The following YES1 variants were observed in gnomAD, a reference collection of about 807,000 sequenced individuals.
The protein encoded by YES1 is tyrosine-protein kinase Yes.
Under a neutral mutation model 70.4 loss-of-function variants are expected in YES1, and 39 were observed. The ratio of observed to expected loss-of-function variants is 0.55; its 90% CI spans 0.43 to 0.72. YES1 has a LOEUF of 0.72. Among genes scored for constraint, YES1 ranks in the 30% least tolerant of loss-of-function variants. The probability of loss-of-function intolerance (pLI) is 0.00; values close to 1 mark genes in which losing one functional copy is unlikely to be tolerated. For synonymous variants in YES1, 198 were observed against 218.6 expected (o/e 0.91, Z 0.83); for missense variants, 495 against 644.8 (o/e 0.77, Z 2.52).
rs2079986524 is a variant in YES1 at position 723,770 on chromosome 18, T to C, written c.*654A>G. 1 of 152,672 alleles carries C rather than the reference T, an allele frequency of 6.5e-6. No homozygotes were observed. The highest frequency in any genetic ancestry group is 2.1e-4 in the South Asian group (1 of 4,834). 9.5% of individuals were successfully genotyped at this position (152,672 alleles called of 1,614,324 possible). On this transcript the variant is annotated 3_prime_UTR_variant, in exon 12 of 12. Transcript: ENST00000314574. Reference sequence around the variant, plus strand: ...AGTGAAAAAGTTCTTATTCTTTCAGTTCCATGAACATGAATATTAATGTAC... The same window carrying C: ...AGTGAAAAAGTTCTTATTCTTTCAGCTCCATGAACATGAATATTAATGTAC...
At position 745,597 on chromosome 18, in the gene YES1, GTA is replaced by G. The variant is rs374930395; in HGVS notation, c.724+109_724+110del. 124 of 1,018,232 alleles carry G rather than the reference GTA, an allele frequency of 1.2e-4. No individual in the cohort carries two copies. The African/African-American group carries it at 1.8e-3, about 15-fold the overall frequency. The allele number at this position is 1,018,232 out of a possible 1,614,324, so 63.1% of individuals were successfully genotyped here. A position where few individuals can be genotyped will look rare whatever the true frequency, so the allele number is the denominator to read the frequency against. On this transcript the variant is annotated intron_variant, in intron 6 of 11. Coordinates refer to ENST00000314574, the MANE Select transcript of YES1 (RefSeq NM_005433.4). The stretch of plus-strand genomic sequence containing the variant: ...AATACAACAGACATTTATTGGGCAT[GTA>G]TTATGTGTAAATAAGTGTGTTAAAT...
chr18:763,370 T>G (rs558541023), intron 1 of YES1, among the ~76,000 whole-genome samples: 1 of 152,120 alleles, frequency 6.6e-6, no homozygotes, highest in East Asian at 1.9e-4. Context: ...TTAGACAAGT[T>G]ATAAAACTAT....
chr18:762,440 A>G (rs1290640188), intron 1 of YES1, among the ~76,000 whole-genome samples: 3 of 152,210 alleles, frequency 2.0e-5, no homozygotes, highest in African/African-American at 7.2e-5. Flanking sequence ...CCCACAACAC[A>G]CAATTTACCC....
chr18:811,934 C>A lies in YES1; in HGVS notation c.-9+180G>T, dbSNP rs867632029. Reference sequence around the variant, plus strand: ...AGGGGCGAGCAGGTAGCGCGGGGAACGAGACAAGCCCGCCGGGCGATCCGG... The same window carrying A: ...AGGGGCGAGCAGGTAGCGCGGGGAAAGAGACAAGCCCGCCGGGCGATCCGG... On this transcript the variant is annotated intron_variant, in intron 1 of 11. Transcript: ENST00000314574. Among the ~76,000 whole-genome samples, 8 of 152,266 alleles carry A rather than the reference C, an allele frequency of 5.3e-5. No homozygotes were observed. In the South Asian group the frequency reaches 1.0e-3, roughly 20 times the overall value.
chr18:735,796 A>G (rs772525934), intron 10 of YES1: 1 of 152,188 alleles, frequency 6.6e-6, no homozygotes, highest in Non-Finnish European at 1.5e-5. Context: ...AATCACCACT[A>G]AAGAACTAGT....
intron 1 of YES1, among the ~76,000 whole-genome samples, chr18:770,738 T>C (rs1220770045): frequency 1.3e-5 from 2 of 152,204 alleles, no homozygotes; most frequent in Non-Finnish European, 2.9e-5. Flanking sequence ...GCACTGCTGT[T>C]GTCCAAAGTC....
chr18:770,119 C>T (rs1285907281), intron 1 of YES1, among the ~76,000 whole-genome samples: 1 of 151,924 alleles, frequency 6.6e-6, no homozygotes, highest in African/African-American at 2.4e-5. Flanking sequence ...GCCACCACAC[C>T]CAGTTAATTT....
chr18:765,278 ATATATATATAT>A (rs1904839512), intron 1 of YES1, among the ~76,000 whole-genome samples: 2 of 99,742 alleles, frequency 2.0e-5, no homozygotes. Flanking sequence ...ATATATATAT[ATATATATATAT>A]ATATCTGTAG....
chr18:744,800 A>G (rs1255971750), intron 6 of YES1, among the ~76,000 whole-genome samples: 2 of 148,894 alleles, frequency 1.3e-5, no homozygotes, highest in African/African-American at 5.0e-5. Flanking sequence ...GTTGGGATTA[A>G]AGGCACAATC....
intron 4 of YES1, 79 bp downstream of exon 4, chr18:747,841 A>G (rs2080298252): frequency 2.3e-6 from 3 of 1,307,584 alleles, no homozygotes; most frequent in Non-Finnish European, 2.2e-6. Flanking sequence ...CTGTGTGTGT[A>G]AAGTTGTGGC....
intron 10 of YES1, among the ~76,000 whole-genome samples, chr18:733,736 T>C (rs976813557): frequency 7.7e-5 from 10 of 129,670 alleles, no homozygotes; most frequent in African/African-American, 2.8e-4. Context: ...TGAGCTGAGA[T>C]TGCGCCACTG....
At chr18:743,229 A>G in intron 7 of YES1, 31 bp downstream of exon 7, 1 of 1,599,480 alleles carries the variant, frequency 6.3e-7, no homozygotes, top group East Asian at 2.2e-5. Flanking sequence ...CAGCTAAACA[A>G]TGACAGAAAA....
chr18:771,310 T>G (rs62088308), intron 1 of YES1, among the ~76,000 whole-genome samples: 2,308 of 151,694 alleles, frequency 0.015, 24 homozygotes, highest in Non-Finnish European at 0.022. Flanking sequence ...GAGGTTGCAG[T>G]GAGCCAAGAT....
intron 1 of YES1, among the ~76,000 whole-genome samples, chr18:805,558 C>G (rs9947962): frequency 0.43 from 66,057 of 151,898 alleles, 15,878 homozygotes; most frequent in African/African-American, 0.64. Context: ...GCAAAACTAA[C>G]GCCTAGGGAG....
chr18:774,846 T>G (rs576362698), intron 1 of YES1, among the ~76,000 whole-genome samples: 4 of 152,202 alleles, frequency 2.6e-5, no homozygotes, highest in African/African-American at 7.2e-5. Context: ...CCAAAGTTCC[T>G]ACTATGGCCT....
chr18:728,256 G>A (rs369188135), intron 11 of YES1, among the ~76,000 whole-genome samples: 1 of 151,758 alleles, frequency 6.6e-6, no homozygotes, highest in African/African-American at 2.4e-5. Context: ...AGCCCAGGGA[G>A]GTAGAGGCTG....
chr18:757,512 A>G (rs573355699), intron 1 of YES1, among the ~76,000 whole-genome samples: 5 of 150,110 alleles, frequency 3.3e-5, no homozygotes, highest in African/African-American at 1.2e-4. Context: ...CAAAAAAAAA[A>G]AAAAAAGAAA....
In YES1 at chr18:738,026, T is replaced by C. The variant is rs1338298278; in HGVS notation, c.1138-1065A>G. The C allele has an allele frequency of 2.0e-5, 3 of 152,036 alleles. No individual in the cohort carries two copies. In the East Asian group the frequency reaches 5.8e-4, roughly 29 times the overall value. The allele number at this position is 152,036 out of a possible 1,614,324, so 9.4% of individuals were successfully genotyped here. On this transcript the variant is annotated intron_variant, in intron 9 of 11. Coordinates refer to ENST00000314574, the MANE Select transcript of YES1 (RefSeq NM_005433.4). ...AGAAAAAAGTATGACAGATTGGATGTGGCTCACAAAACCTAATTTTTTTTT... is the reference window on the plus strand; with the variant it reads ...AGAAAAAAGTATGACAGATTGGATGCGGCTCACAAAACCTAATTTTTTTTT...
chr18:725,154 C>T (rs1014666872), intron 11 of YES1, among the ~76,000 whole-genome samples: 1 of 152,108 alleles, frequency 6.6e-6, no homozygotes, highest in African/African-American at 2.4e-5. Context: ...CACATAGTTC[C>T]TTTCTTGTAT....
Sources: gnomAD v4.1 joint callset for allele counts (sites outside exome capture counted in the v4.1 genomes callset) on GRCh38, gnomAD v4.1.1 for gene constraint, MANE v1.5 for transcripts, NCBI Gene and HGNC (gene_info 2026-07-23, HGNC 2026-07-21) for gene names.